The following MAGI2 variants were observed in gnomAD, a reference collection of about 807,000 sequenced individuals.
MAGI2 encodes the protein membrane associated guanylate kinase, WW and PDZ domain containing 2.
In MAGI2, 35 loss-of-function variants were observed where a neutral mutation model predicts 133.3. That is an observed-to-expected ratio of 0.26 (90% CI 0.20 to 0.35). The LOEUF is 0.35. Among genes scored for constraint, MAGI2 ranks in the 10% least tolerant of loss-of-function variants. The probability of loss-of-function intolerance (pLI) is 1.00; values close to 1 mark genes in which losing one functional copy is unlikely to be tolerated. For missense variants in MAGI2, 1,636 were observed against 1,863.4 expected (o/e 0.88, Z 2.25); for synonymous variants, 729 against 710.6 (o/e 1.03, Z -0.41).
At chr7:79,320,265 A>G (rs1369993463) in intron 1 of MAGI2, among the ~76,000 whole-genome samples, 2 of 152,154 alleles carry the variant, frequency 1.3e-5, no homozygotes, top group Admixed American at 6.6e-5. Context: ...TAATTGCTAT[A>G]TTTTTAATAA....
At chr7:78,464,978 T>A (rs950642964) in intron 6 of MAGI2, among the ~76,000 whole-genome samples, 2 of 152,188 alleles carry the variant, frequency 1.3e-5, no homozygotes, top group African/African-American at 4.8e-5. Context: ...GTATTATAAC[T>A]ATGCTTCTAT....
chr7:78,596,457 G>A (rs1353207648), intron 3 of MAGI2, among the ~76,000 whole-genome samples: 1 of 152,186 alleles, frequency 6.6e-6, no homozygotes, highest in South Asian at 2.1e-4. Flanking sequence ...ATATAACGTG[G>A]TGAGTGCTTT....
At chr7:79,077,110 C>T (rs1386773719) in intron 1 of MAGI2, among the ~76,000 whole-genome samples, 2 of 152,122 alleles carry the variant, frequency 1.3e-5, no homozygotes, top group African/African-American at 4.8e-5. Flanking sequence ...TTTGTTACAG[C>T]AGCAGAGGCA....
At chr7:78,672,054 T>C (rs1401895002) in intron 2 of MAGI2, among the ~76,000 whole-genome samples, 1 of 152,190 alleles carries the variant, frequency 6.6e-6, no homozygotes, top group Non-Finnish European at 1.5e-5. Context: ...TTTCCCTCTA[T>C]AGAAATGTTC....
intron 6 of MAGI2, among the ~76,000 whole-genome samples, chr7:78,423,139 T>C (rs1798948893): frequency 6.6e-6 from 1 of 152,224 alleles, no homozygotes; most frequent in Non-Finnish European, 1.5e-5. Context: ...ACTCCTACAA[T>C]TCCCATGTAT....
At chr7:78,837,443 A>C (rs1791733835) in intron 2 of MAGI2, among the ~76,000 whole-genome samples, 1 of 152,052 alleles carries the variant, frequency 6.6e-6, no homozygotes, top group Admixed American at 6.6e-5. Context: ...ACATAAAGAA[A>C]TTTTCCATTT....
chr7:79,002,184 T>A (rs1313305408), intron 2 of MAGI2, among the ~76,000 whole-genome samples: 1 of 151,224 alleles, frequency 6.6e-6, no homozygotes, highest in Non-Finnish European at 1.5e-5. Flanking sequence ...CAGGCTGACA[T>A]GCAGTGGTGC....
At chr7:78,805,766 C>T (rs1788523809) in intron 2 of MAGI2, among the ~76,000 whole-genome samples, 1 of 152,110 alleles carries the variant, frequency 6.6e-6, no homozygotes, top group African/African-American at 2.4e-5. Context: ...TGGAAAGGTC[C>T]ATGAGGTAAG....
intron 2 of MAGI2, among the ~76,000 whole-genome samples, chr7:78,974,111 C>T (rs931656250): frequency 6.6e-6 from 1 of 151,612 alleles, no homozygotes; most frequent in Non-Finnish European, 1.5e-5. Context: ...ATGAATTCTA[C>T]ATGTGTTTTT....
At chr7:78,541,737 A>C (rs2150670627) in intron 3 of MAGI2, among the ~76,000 whole-genome samples, 1 of 152,300 alleles carries the variant, frequency 6.6e-6, no homozygotes, top group South Asian at 2.1e-4. Flanking sequence ...TTACTATCTA[A>C]GAACCACTGT....
intron 1 of MAGI2, among the ~76,000 whole-genome samples, chr7:79,300,530 C>T (rs922984648): frequency 6.6e-6 from 1 of 152,086 alleles, no homozygotes; most frequent in Non-Finnish European, 1.5e-5. Context: ...AAAACCTATG[C>T]TCAGATGTGG....
At chr7:78,470,853 G>A (rs555306320) in intron 6 of MAGI2, among the ~76,000 whole-genome samples, 3 of 152,212 alleles carry the variant, frequency 2.0e-5, no homozygotes, top group Admixed American at 6.5e-5. Flanking sequence ...TCATTTCAAT[G>A]AGATAAAATA....
At chr7:79,158,400 G>C (rs112404341) in intron 1 of MAGI2, among the ~76,000 whole-genome samples, 1 of 151,980 alleles carries the variant, frequency 6.6e-6, no homozygotes, top group Non-Finnish European at 1.5e-5. Context: ...CCAAGTTCAC[G>C]TGACTTAAGA....
intron 10 of MAGI2, among the ~76,000 whole-genome samples, chr7:78,228,727 T>C (rs1789658676): frequency 1.3e-5 from 2 of 152,168 alleles, no homozygotes; most frequent in Non-Finnish European, 2.9e-5. Flanking sequence ...AATATATTTA[T>C]GGGGAAGGAA....
At chr7:79,225,156 C>T (rs1455722134) in intron 1 of MAGI2, among the ~76,000 whole-genome samples, 2 of 152,164 alleles carry the variant, frequency 1.3e-5, no homozygotes, top group Non-Finnish European at 2.9e-5. Flanking sequence ...TGGGCTTCTC[C>T]TCTGAGCTTT....
intron 6 of MAGI2, chr7:78,486,960 T>C (rs1793084687): frequency 3.8e-6 from 2 of 526,158 alleles, no homozygotes; most frequent in East Asian, 5.5e-5. Flanking sequence ...GCCGGGTCCA[T>C]GGCTGGCAGT....
chr7:78,556,052 G>A (rs941999384), intron 3 of MAGI2, among the ~76,000 whole-genome samples: 5 of 151,992 alleles, frequency 3.3e-5, no homozygotes, highest in East Asian at 1.9e-4. Flanking sequence ...TAGCATATCT[G>A]GAAAGCTCTT....
chr7:78,266,786 G>A (rs1446561714), intron 9 of MAGI2, among the ~76,000 whole-genome samples: 1 of 151,728 alleles, frequency 6.6e-6, no homozygotes, highest in East Asian at 1.9e-4. Flanking sequence ...CACCATGATG[G>A]CCAGGCTGGT....
intron 2 of MAGI2, among the ~76,000 whole-genome samples, chr7:78,808,062 C>T (rs1255233190): frequency 6.6e-6 from 1 of 151,900 alleles, no homozygotes; most frequent in Non-Finnish European, 1.5e-5. Flanking sequence ...TGTTAATGAT[C>T]GACTAAAAAG....
Sources: gnomAD v4.1 joint callset for allele counts (sites outside exome capture counted in the v4.1 genomes callset) on GRCh38, gnomAD v4.1.1 for gene constraint, MANE v1.5 for transcripts, NCBI Gene and HGNC (gene_info 2026-07-23, HGNC 2026-07-21) for gene names.